ITGB5: variants seen among roughly 807,000 people sequenced by gnomAD.
ITGB5 encodes the protein integrin beta-5.
ITGB5 carries 38 observed loss-of-function variants against 84.8 expected under a neutral mutation model. The ratio of observed to expected loss-of-function variants is 0.45; its 90% CI spans 0.35 to 0.59. The LOEUF is 0.59. ITGB5 is among the 20% of genes least tolerant of loss of function. ITGB5 has a pLI of 0.01. For missense variants in ITGB5, 905 were observed against 1,034.5 expected (o/e 0.87, Z 1.72); for synonymous variants, 393 against 414.4 (o/e 0.95, Z 0.63).
intron 1 of ITGB5, among the ~76,000 whole-genome samples, chr3:124,899,253 A>G (rs1055123419): frequency 6.6e-6 from 1 of 152,184 alleles, no homozygotes; most frequent in African/African-American, 2.4e-5. Flanking sequence ...TCATTGAAAT[A>G]GGGACTTAAT....
At chr3:124,856,113 T>TGA (rs972242551) in intron 3 of ITGB5, among the ~76,000 whole-genome samples, 2 of 152,130 alleles carry the variant, frequency 1.3e-5, no homozygotes, top group Non-Finnish European at 2.9e-5. Flanking sequence ...CTCAGATTTC[T>TGA]GACCTCAATC....
Position 124,796,712 on chromosome 3 carries a change from C to A in ITGB5, c.1369G>T (p.Val457Phe), listed in dbSNP as rs750538143. Residue 457 changes from valine to phenylalanine, a missense_variant, in exon 10 of 15, where the codon GTC becomes TTC. Coordinates refer to ENST00000296181, the MANE Select transcript of ITGB5 (RefSeq NM_002213.5). ...CAGCCGCACGTGCAGTTGTAGGTGA[C>A]CCCCACCTCCAGGCTGTCCCGGAAT... is the stretch of plus-strand genomic sequence containing the variant. ...VGFRDSLEVG[V>F]TYNCTCGCSV... 1 of 1,613,960 alleles carries A rather than the reference C, an allele frequency of 6.2e-7. No homozygotes were observed. The highest frequency in any genetic ancestry group is 8.5e-7 in the Non-Finnish European group (1 of 1,180,038).
intron 9 of ITGB5, among the ~76,000 whole-genome samples, chr3:124,808,397 G>A (rs938968424): frequency 2.6e-5 from 4 of 152,138 alleles, no homozygotes; most frequent in Non-Finnish European, 5.9e-5. Context: ...CACCACTCGC[G>A]GCCTCTGTGC....
chr3:124,827,602 C>A (rs1435979726), intron 5 of ITGB5, among the ~76,000 whole-genome samples: 1 of 152,298 alleles, frequency 6.6e-6, no homozygotes, highest in Non-Finnish European at 1.5e-5. Context: ...TATGTAGAGA[C>A]CGGAACCCTC....
At chr3:124,890,462 C>A (rs1250369314), upstream of ITGB5, among the ~76,000 whole-genome samples, 1 of 152,072 alleles carries the variant, frequency 6.6e-6, no homozygotes, top group East Asian at 1.9e-4. Flanking sequence ...GCCTCGGCCT[C>A]CCAAAGTGCT....
intron 10 of ITGB5, among the ~76,000 whole-genome samples, chr3:124,775,248 G>A (rs544847741): frequency 1.4e-5 from 2 of 145,930 alleles, no homozygotes; most frequent in Non-Finnish European, 2.9e-5. Flanking sequence ...GTGAGTGCAA[G>A]TGTGTGTGAG....
At chr3:124,791,326 G>C (rs527587238) in intron 10 of ITGB5, 55 of 152,300 alleles carry the variant, frequency 3.6e-4, no homozygotes, top group African/African-American at 1.2e-3. Context: ...AGACACAAGA[G>C]CCCCAAGCTC....
intron 2 of ITGB5, among the ~76,000 whole-genome samples, chr3:124,867,786 C>T (rs2065414963): frequency 6.6e-6 from 1 of 152,190 alleles, no homozygotes; most frequent in Non-Finnish European, 1.5e-5. Flanking sequence ...GTAAAATTTA[C>T]AATGTTAGAG....
chr3:124,827,978 C>A (rs558488494), intron 5 of ITGB5, among the ~76,000 whole-genome samples: 2 of 150,074 alleles, frequency 1.3e-5, no homozygotes, highest in African/African-American at 2.5e-5. Flanking sequence ...TAAAACAGCA[C>A]CCCCCCAACG....
intron 5 of ITGB5, among the ~76,000 whole-genome samples, chr3:124,823,637 T>C (rs1397029874): frequency 6.7e-6 from 1 of 148,732 alleles, no homozygotes; most frequent in African/African-American, 2.4e-5. Context: ...ATAAACTATA[T>C]ATAAATATAT....
intron 1 of ITGB5, among the ~76,000 whole-genome samples, chr3:124,881,460 G>A (rs1261403940): frequency 2.6e-5 from 4 of 152,132 alleles, no homozygotes; most frequent in Non-Finnish European, 5.9e-5. Flanking sequence ...AATGGAATGG[G>A]CCATGAAAGC....
chr3:124,805,270 C>T (rs2064382610), intron 9 of ITGB5, among the ~76,000 whole-genome samples: 1 of 151,798 alleles, frequency 6.6e-6, no homozygotes, highest in South Asian at 2.1e-4. Context: ...AGCTTCTCAA[C>T]TAGGTGGGAC....
At chr3:124,818,364 A>T (rs1488611604) in intron 7 of ITGB5, among the ~76,000 whole-genome samples, 1 of 152,040 alleles carries the variant, frequency 6.6e-6, no homozygotes, top group African/African-American at 2.4e-5. Context: ...TTCCTCCCCC[A>T]AGCAAGGTGT....
At chr3:124,813,964 C>T (rs1053517520) in intron 8 of ITGB5, among the ~76,000 whole-genome samples, 2 of 152,146 alleles carry the variant, frequency 1.3e-5, no homozygotes, top group African/African-American at 4.8e-5. Flanking sequence ...CCCCAAGAGT[C>T]ACCTCATTAG....
intron 5 of ITGB5, among the ~76,000 whole-genome samples, chr3:124,832,293 G>A (rs2064870932): frequency 6.6e-6 from 1 of 152,248 alleles, no homozygotes; most frequent in African/African-American, 2.4e-5. Flanking sequence ...ATACTCTAAT[G>A]TCAAGGTTAA....
chr3:124,766,468 C>G, intron 12 of ITGB5, 123 bp from the exon 13 acceptor site: 1 of 1,163,578 alleles, frequency 8.6e-7, no homozygotes, highest in South Asian at 1.5e-5. Context: ...GGCAGAAAAT[C>G]TTAAGGGGAG....
At chr3:124,846,542 T>A (rs2065080952) in intron 4 of ITGB5, among the ~76,000 whole-genome samples, 1 of 151,526 alleles carries the variant, frequency 6.6e-6, no homozygotes, top group African/African-American at 2.4e-5. Context: ...CCCTAGGACA[T>A]GGGGGTAGGG....
At chr3:124,801,307 G>A (rs1238331109) in intron 9 of ITGB5, among the ~76,000 whole-genome samples, 1 of 152,182 alleles carries the variant, frequency 6.6e-6, no homozygotes, top group African/African-American at 2.4e-5. Flanking sequence ...AGGAAAATTA[G>A]GGAAACAATT....
intron 2 of ITGB5, among the ~76,000 whole-genome samples, chr3:124,864,296 C>T (rs928220667): frequency 1.3e-5 from 2 of 151,608 alleles, no homozygotes; most frequent in Admixed American, 1.3e-4. Context: ...TTAGTAGAGA[C>T]AGGGTTTCAC....
Sources: gnomAD v4.1 joint callset for allele counts (sites outside exome capture counted in the v4.1 genomes callset) on GRCh38, gnomAD v4.1.1 for gene constraint, MANE v1.5 for transcripts, NCBI Gene and HGNC (gene_info 2026-07-23, HGNC 2026-07-21) for gene names.